The following KIAA1217 variants were observed in gnomAD, a reference collection of about 807,000 sequenced individuals.
KIAA1217 encodes KIAA1217.
KIAA1217 carries 88 observed loss-of-function variants against 163.9 expected under a neutral mutation model. The ratio of observed to expected loss-of-function variants is 0.54; its 90% CI spans 0.45 to 0.64. The LOEUF (loss-of-function observed/expected upper bound fraction) is 0.64. Ranked by LOEUF, KIAA1217 falls within the 30% of genes least tolerant of loss-of-function variation. The pLI is 0.00. For synonymous variants in KIAA1217, 903 were observed against 923.1 expected, an observed-to-expected ratio of 0.98 and a Z score of 0.39; for missense variants, 2,372 against 2,475.0, an observed-to-expected ratio of 0.96 and a Z score of 0.88.
intron 1 of KIAA1217, among the ~76,000 whole-genome samples, chr10:23,965,764 A>T (rs1452358883): frequency 6.6e-6 from 1 of 152,158 alleles, no homozygotes; most frequent in African/African-American, 2.4e-5. Context: ...ACCTGGAGTT[A>T]TATAGGGCCC....
At chr10:23,697,072 A>G (rs1836091572) in intron 1 of KIAA1217, among the ~76,000 whole-genome samples, 2 of 152,190 alleles carry the variant, frequency 1.3e-5, no homozygotes, top group Non-Finnish European at 2.9e-5. Flanking sequence ...AATGGAAATT[A>G]CCAGCACCCA....
intron 1 of KIAA1217, among the ~76,000 whole-genome samples, chr10:23,773,009 G>A (rs1011575420): frequency 6.6e-5 from 10 of 152,032 alleles, no homozygotes; most frequent in Admixed American, 3.3e-4. Flanking sequence ...TTGCATTCTC[G>A]CTTATGGAGT....
intron 1 of KIAA1217, among the ~76,000 whole-genome samples, chr10:23,869,743 G>A (rs1313218928): frequency 6.6e-6 from 1 of 152,078 alleles, no homozygotes; most frequent in Non-Finnish European, 1.5e-5. Flanking sequence ...AAGTACCACG[G>A]CCGCCAAGAA....
chr10:23,778,818 G>T (rs1835122318), intron 1 of KIAA1217, among the ~76,000 whole-genome samples: 1 of 152,156 alleles, frequency 6.6e-6, no homozygotes, highest in Admixed American at 6.5e-5. Flanking sequence ...TCCTGGGCAG[G>T]TTGCTGCAGG....
At chr10:24,361,465 G>A (rs1433660222) in intron 2 of KIAA1217, among the ~76,000 whole-genome samples, 1 of 152,092 alleles carries the variant, frequency 6.6e-6, no homozygotes, top group African/African-American at 2.4e-5. Flanking sequence ...TGAATTTACA[G>A]GTGTGAGCCA....
intron 2 of KIAA1217, among the ~76,000 whole-genome samples, chr10:24,141,567 T>C (rs2064082726): frequency 2.0e-5 from 3 of 152,154 alleles, no homozygotes; most frequent in Non-Finnish European, 2.9e-5. Context: ...CACCCCTAAA[T>C]TGTGTGTGCT....
intron 1 of KIAA1217, among the ~76,000 whole-genome samples, chr10:23,954,497 T>A (rs1422031911): frequency 6.6e-6 from 1 of 151,698 alleles, no homozygotes; most frequent in East Asian, 1.9e-4. Context: ...CCTAGGAGGT[T>A]GACGCTGCAG....
At chr10:24,241,876 TC>T (rs2073149750) in intron 2 of KIAA1217, among the ~76,000 whole-genome samples, 1 of 152,188 alleles carries the variant, frequency 6.6e-6, no homozygotes, top group Non-Finnish European at 1.5e-5. Flanking sequence ...TTATTCAGGT[TC>T]CACACTCCTG....
At chr10:23,746,329 C>A (rs1433775345) in intron 1 of KIAA1217, among the ~76,000 whole-genome samples, 1 of 152,230 alleles carries the variant, frequency 6.6e-6, no homozygotes, top group South Asian at 2.1e-4. Flanking sequence ...GAAGCAGATG[C>A]TGGTGCCTTG....
chr10:24,379,127 TA>T (rs35860991), intron 2 of KIAA1217, among the ~76,000 whole-genome samples: 4 of 151,414 alleles, frequency 2.6e-5, no homozygotes, highest in East Asian at 1.9e-4. Flanking sequence ...CTACCTTCTT[TA>T]AAAAAAAATG....
intron 2 of KIAA1217, among the ~76,000 whole-genome samples, chr10:24,254,090 C>G (rs2074866301): frequency 6.6e-6 from 1 of 152,158 alleles, no homozygotes; most frequent in Non-Finnish European, 1.5e-5. Flanking sequence ...CATCTGCTCT[C>G]AATTGAAAAG....
At chr10:23,702,832 G>C (rs1011941141) in intron 1 of KIAA1217, among the ~76,000 whole-genome samples, 1 of 151,968 alleles carries the variant, frequency 6.6e-6, no homozygotes, top group African/African-American at 2.4e-5. Flanking sequence ...ATAATATTAA[G>C]TTAATAAAAT....
At chr10:23,701,914 G>A (rs1255231222) in intron 1 of KIAA1217, among the ~76,000 whole-genome samples, 4 of 152,116 alleles carry the variant, frequency 2.6e-5, no homozygotes, top group African/African-American at 9.7e-5. Flanking sequence ...TCCACAAATA[G>A]CACCTTCAGT....
At chr10:23,708,225 C>T (rs180894115) in intron 1 of KIAA1217, among the ~76,000 whole-genome samples, 30 of 152,274 alleles carry the variant, frequency 2.0e-4, no homozygotes, top group Non-Finnish European at 3.5e-4. Context: ...GGGGAAACCA[C>T]CTCCGTGATT....
chr10:24,004,895 G>T (rs1410404281), intron 1 of KIAA1217, among the ~76,000 whole-genome samples: 2 of 152,214 alleles, frequency 1.3e-5, no homozygotes, highest in Non-Finnish European at 2.9e-5. Flanking sequence ...GTAAGCTGTG[G>T]AACCAGGAGT....
At chr10:24,154,883 C>G (rs1211629063) in intron 2 of KIAA1217, among the ~76,000 whole-genome samples, 1 of 149,630 alleles carries the variant, frequency 6.7e-6, no homozygotes, top group East Asian at 2.0e-4. Flanking sequence ...GCCAAGATTT[C>G]GCCACTGCAC....
intron 2 of KIAA1217, among the ~76,000 whole-genome samples, chr10:24,046,009 A>G (rs1848993826): frequency 6.6e-6 from 1 of 152,214 alleles, no homozygotes; most frequent in African/African-American, 2.4e-5. Flanking sequence ...GGATGAGGAT[A>G]TGAGCCAATA....
intron 16 of KIAA1217, among the ~76,000 whole-genome samples, chr10:24,535,157 A>G (rs913610308): frequency 2.0e-5 from 3 of 152,196 alleles, no homozygotes; most frequent in Non-Finnish European, 2.9e-5. Context: ...TCGAGGGTCT[A>G]ATAGCTCAAA....
At chr10:24,021,748 AATAG>A (rs1164393042) in intron 2 of KIAA1217, among the ~76,000 whole-genome samples, 3 of 151,838 alleles carry the variant, frequency 2.0e-5, no homozygotes, top group Admixed American at 6.6e-5. Flanking sequence ...TTTGTAAAAG[AATAG>A]ATAAATAGAC....
Sources: gnomAD v4.1 joint callset for allele counts (sites outside exome capture counted in the v4.1 genomes callset) on GRCh38, gnomAD v4.1.1 for gene constraint, MANE v1.5 for transcripts, NCBI Gene and HGNC (gene_info 2026-07-23, HGNC 2026-07-21) for gene names.